Variants in FAM3A observed in about 807,000 individuals in gnomAD.
FAM3A encodes the protein protein FAM3A.
A neutral mutation model predicts 18.1 loss-of-function variants in FAM3A; 5 were observed. The ratio of observed to expected loss-of-function variants is 0.28; its 90% CI spans 0.14 to 0.58. The LOEUF is 0.58. FAM3A is among the 20% of genes least tolerant of loss of function. The pLI, the probability that FAM3A is intolerant of heterozygous loss-of-function variation, is 0.91. For synonymous variants in FAM3A, 108 were observed against 90.2 expected (o/e 1.20, Z -1.12); for missense variants, 154 against 216.6 (o/e 0.71, Z 1.81).
chrX:154,512,980 G>C (rs371195332), intron 1 of FAM3A, 44 bp from the exon 2 acceptor site: 143 of 910,307 alleles, frequency 1.6e-4, no homozygotes, highest in Non-Finnish European at 2.1e-4. Flanking sequence ...TCAGATACCA[G>C]CGAACCCCAG....
At chrX:154,514,100 G>A (rs960818956) in intron 1 of FAM3A, among the ~76,000 whole-genome samples, 1 of 110,307 alleles carries the variant, frequency 9.1e-6, no homozygotes, top group Non-Finnish European at 1.9e-5. Context: ...CTGGCTTTCC[G>A]GACAGCACAC....
At chrX:154,513,332 C>A (rs1234617455) in intron 1 of FAM3A, among the ~76,000 whole-genome samples, 1 of 111,594 alleles carries the variant, frequency 9.0e-6, no homozygotes, top group Non-Finnish European at 1.9e-5. Context: ...GTCCCTACTC[C>A]CTTTTAAGAC....
At chrX:154,511,964 A>G in intron 2 of FAM3A, 93 bp from the exon 3 acceptor site, 2 of 827,603 alleles carry the variant, frequency 2.4e-6, no homozygotes, top group Non-Finnish European at 3.6e-6. Flanking sequence ...GTGTAGACAC[A>G]GGCAGTCAGG....
At chrX:154,515,630 C>T in intron 1 of FAM3A, 130 bp downstream of exon 1, 1 of 698,935 alleles carries the variant, frequency 1.4e-6, no homozygotes, top group Non-Finnish European at 2.3e-6. Context: ...AGTGTTTGTG[C>T]AGAGTCCTCC....
intron 2 of FAM3A, 86 bp from the exon 3 acceptor site, chrX:154,511,957 T>C: frequency 6.7e-6 from 6 of 897,596 alleles, no homozygotes; most frequent in Non-Finnish European, 9.7e-6. Flanking sequence ...CCGCGAAGTG[T>C]AGACACAGGC....
intron 1 of FAM3A, among the ~76,000 whole-genome samples, chrX:154,515,421 CA>C (rs2070145652): frequency 8.9e-6 from 1 of 111,790 alleles, no homozygotes. Context: ...TCGAAGCCCA[CA>C]GCCACTTTTG....
At chrX:154,509,825 C>T (rs907141729) in intron 3 of FAM3A, 12 of 112,408 alleles carry the variant, frequency 1.1e-4, no homozygotes, top group African/African-American at 3.9e-4. Flanking sequence ...AGGCCCTCCT[C>T]TCAATACCAA....
At chrX:154,513,708 C>T (rs1273764525) in intron 1 of FAM3A, among the ~76,000 whole-genome samples, 1 of 110,460 alleles carries the variant, frequency 9.1e-6, no homozygotes, top group East Asian at 2.8e-4. Flanking sequence ...ATTGCAAGCT[C>T]CCCAGCCTTC....
chrX:154,508,162 C>T (rs2069661269), intron 5 of FAM3A, 127 bp downstream of exon 5: 1 of 521,727 alleles, frequency 1.9e-6, no homozygotes, highest in African/African-American at 2.3e-5. Flanking sequence ...TGCGCTTGCA[C>T]AGACTCCTTC....
At chrX:154,508,007 C>A in intron 5 of FAM3A, 146 bp from the exon 6 acceptor site, 1 of 565,707 alleles carries the variant, frequency 1.8e-6, no homozygotes, top group East Asian at 3.6e-5. Context: ...GCAGCTGCAT[C>A]CCACCCCAAG....
At chrX:154,506,989 A>G in intron 8 of FAM3A, 83 bp from the exon 9 acceptor site, 1 of 958,717 alleles carries the variant, frequency 1.0e-6, no homozygotes, top group Non-Finnish European at 1.5e-6. Flanking sequence ...GCTGTCAGTC[A>G]ACTGTGCTGT....
intron 1 of FAM3A, among the ~76,000 whole-genome samples, chrX:154,513,739 A>T (rs1311809436): frequency 9.0e-6 from 1 of 110,710 alleles, no homozygotes; most frequent in Non-Finnish European, 1.9e-5. Flanking sequence ...TGTAATAGTG[A>T]TCACTCTCTC....
chrX:154,512,309 C>T lies in FAM3A; in HGVS notation c.128-438G>A, dbSNP rs782340200. 5 of 252,785 alleles carry T rather than the reference C, an allele frequency of 2.0e-5. No individual in the cohort carries two copies. The East Asian group carries it at 7.1e-4, about 36-fold the overall frequency. 20.8% of individuals were successfully genotyped at this position (252,785 alleles called of 1,213,427 possible). ...GAAGAAGAAGCCGGGTTTGGTGGTG[C>T]GCACCTGTAGTCTCAGCTACTCGGG... On this transcript the variant is annotated intron_variant, in intron 2 of 8. Coordinates refer to ENST00000447601, the MANE Select transcript of FAM3A (RefSeq NM_021806.4).
At chrX:154,514,382 T>C (rs1267557114) in intron 1 of FAM3A, among the ~76,000 whole-genome samples, 1 of 110,532 alleles carries the variant, frequency 9.0e-6, no homozygotes, top group African/African-American at 3.3e-5. Flanking sequence ...TAGCTGGGAT[T>C]ACAGGCGCGC....
chrX:154,513,635 A>C (rs2070017252), intron 1 of FAM3A, among the ~76,000 whole-genome samples: 1 of 109,732 alleles, frequency 9.1e-6, no homozygotes, highest in African/African-American at 3.3e-5. Flanking sequence ...CCTCAAAACA[A>C]AAACAAAAAC....
chrX:154,515,665 T>A (rs901189079), intron 1 of FAM3A, 95 bp downstream of exon 1: 29 of 996,951 alleles, frequency 2.9e-5, no homozygotes, highest in Non-Finnish European at 4.0e-5. Flanking sequence ...ACCCAGTGGT[T>A]CACCCGGGCC....
At chrX:154,513,656 A>C (rs961334485) in intron 1 of FAM3A, among the ~76,000 whole-genome samples, 2 of 109,223 alleles carry the variant, frequency 1.8e-5, no homozygotes, top group Admixed American at 2.0e-4. Flanking sequence ...AAAACAAAAC[A>C]AAACCAAAAC....
chrX:154,507,210 A>G lies in FAM3A; in HGVS notation c.590T>C (p.Phe197Ser). The change falls in exon 8 of 9, where the codon TTT becomes TCT. Residue 197 changes from phenylalanine to serine, a missense_variant. Phe to Ser is a radical substitution (Grantham distance 155). This residue lies in a region of FAM3A where 39 missense variants were observed against 38.5 expected (regional missense o/e 1.01). Coordinates refer to ENST00000447601, the MANE Select transcript of FAM3A (RefSeq NM_021806.4). ...GCCAGGCACCCCCCATACCTGCTCA[A>G]AGGGGCTCTTGTTCTGCACACCCTT... ...GAKGVQNKSP[F>S]EQHVKNSKHS... The G allele has an allele frequency of 2.5e-6, 3 of 1,202,388 alleles. No homozygotes were observed. Among genetic ancestry groups the G allele is most frequent in the Non-Finnish European group, 3.4e-6 (3 of 890,899 alleles).
intron 3 of FAM3A, chrX:154,510,408 C>T (rs1030364575): frequency 4.6e-5 from 5 of 108,862 alleles, no homozygotes; most frequent in African/African-American, 1.3e-4. Flanking sequence ...TGCCTGTAGT[C>T]GCAGCTACTT....
Sources: gnomAD v4.1 joint callset for allele counts (sites outside exome capture counted in the v4.1 genomes callset) on GRCh38, gnomAD v4.1.1 for gene constraint, gnomAD v4.1.1 regional missense constraint, MANE v1.5 for transcripts, NCBI Gene and HGNC (gene_info 2026-07-23, HGNC 2026-07-21) for gene names.